Variants in IL1RAPL1 observed in about 807,000 individuals in gnomAD.
IL1RAPL1 encodes interleukin-1 receptor accessory protein-like 1.
In IL1RAPL1, 3 loss-of-function variants were observed where a neutral mutation model predicts 48.4. That is an observed-to-expected ratio of 0.06 (90% CI 0.03 to 0.16). The LOEUF (loss-of-function observed/expected upper bound fraction) is 0.16, where lower values mean the gene tolerates loss of function less well. Ranked by LOEUF, IL1RAPL1 falls within the 10% of genes least tolerant of loss-of-function variation. The pLI is 1.00. For missense variants in IL1RAPL1, 349 were observed against 530.6 expected (o/e 0.66, Z 3.36); for synonymous variants, 185 against 187.7 (o/e 0.99, Z 0.12).
At chrX:29,568,034 A>T (rs1350028406) in intron 5 of IL1RAPL1, among the ~76,000 whole-genome samples, 1 of 109,930 alleles carries the variant, frequency 9.1e-6, no homozygotes, top group East Asian at 2.9e-4. Flanking sequence ...GAAATATATT[A>T]TATTGTATGG....
In IL1RAPL1 at chrX:28,663,369, A is replaced by G. The variant is rs145571529; in HGVS notation, c.-25+75322A>G. ...AACCTGGGCTGCTGCAGATCCTCAC[A>G]TTCTTTCCGGTCTGTGGAGTAATTG... On this transcript the variant is annotated intron_variant, in intron 1 of 10. Coordinates refer to ENST00000378993, the MANE Select transcript of IL1RAPL1 (RefSeq NM_014271.4). Among the ~76,000 whole-genome samples the G allele has an allele frequency of 5.1e-3, 571 of 112,226 alleles. 4 individuals are homozygous for G. Among genetic ancestry groups the G allele is most frequent in the African/African-American group, 0.018 (545 of 30,864 alleles).
intron 6 of IL1RAPL1, among the ~76,000 whole-genome samples, chrX:29,818,780 C>T (rs1416684773): frequency 8.9e-6 from 1 of 112,081 alleles, no homozygotes; most frequent in African/African-American, 3.2e-5. Context: ...AAGTTAGTTA[C>T]ATAAGTTTAC....
chrX:29,341,997 C>T (rs936648532), intron 3 of IL1RAPL1, among the ~76,000 whole-genome samples: 8 of 109,663 alleles, frequency 7.3e-5, no homozygotes, highest in Non-Finnish European at 1.3e-4. Flanking sequence ...TTACTAGAGA[C>T]GGGGTTTCAC....
At chrX:29,694,889 G>A (rs1025646377) in intron 6 of IL1RAPL1, among the ~76,000 whole-genome samples, 10 of 111,282 alleles carry the variant, frequency 9.0e-5, no homozygotes, top group Admixed American at 1.9e-4. Context: ...TAGGGACACC[G>A]TAGTTGGGAT....
chrX:29,158,952 C>CT (rs1929627940), intron 2 of IL1RAPL1, among the ~76,000 whole-genome samples: 2 of 64,161 alleles, frequency 3.1e-5, no homozygotes, highest in Non-Finnish European at 5.5e-5. Context: ...CCCTCCCTCT[C>CT]CCTCTCTCTC....
At chrX:29,656,540 A>G (rs773187683) in intron 5 of IL1RAPL1, among the ~76,000 whole-genome samples, 6 of 111,257 alleles carry the variant, frequency 5.4e-5, no homozygotes, top group Non-Finnish European at 1.1e-4. Flanking sequence ...TTACTGAGTT[A>G]CTTCACTTGG....
At chrX:29,218,608 GATC>G (rs1409226559) in intron 2 of IL1RAPL1, among the ~76,000 whole-genome samples, 1 of 111,649 alleles carries the variant, frequency 9.0e-6, no homozygotes, top group East Asian at 2.8e-4. Context: ...TAAAGATAAA[GATC>G]ATTATTAAAA....
At chrX:29,709,523 GTTTTGT>G (rs1456141612) in intron 6 of IL1RAPL1, among the ~76,000 whole-genome samples, 1 of 110,443 alleles carries the variant, frequency 9.1e-6, no homozygotes, top group African/African-American at 3.3e-5. Context: ...TTTTTGTTTT[GTTTTGT>G]TTTGTTTTGT....
chrX:29,667,816 T>C (rs145147341), intron 5 of IL1RAPL1, among the ~76,000 whole-genome samples: 1,897 of 112,003 alleles, frequency 0.017, 18 homozygotes, highest in Non-Finnish European at 0.025. Context: ...TAACGGATAA[T>C]AGAAAGAGTT....
chrX:28,968,516 C>T (rs1924976679), intron 2 of IL1RAPL1, among the ~76,000 whole-genome samples: 1 of 111,865 alleles, frequency 8.9e-6, no homozygotes, highest in African/African-American at 3.2e-5. Flanking sequence ...TAAGATTGGC[C>T]TCACAAAACT....
intron 6 of IL1RAPL1, among the ~76,000 whole-genome samples, chrX:29,860,364 AT>A (rs747106843): frequency 1.8e-3 from 195 of 111,281 alleles, no homozygotes; most frequent in African/African-American, 6.2e-3. Context: ...TTAGAATTAA[AT>A]TTTTTTTTAT....
chrX:28,813,325 A>C (rs965076565), intron 2 of IL1RAPL1, among the ~76,000 whole-genome samples: 1 of 111,102 alleles, frequency 9.0e-6, no homozygotes, highest in Non-Finnish European at 1.9e-5. Flanking sequence ...TTTAATTGCA[A>C]ATACTTGGAG....
chrX:29,418,117 A>AT (rs1472989661), intron 5 of IL1RAPL1, among the ~76,000 whole-genome samples: 15 of 30,693 alleles, frequency 4.9e-4, no homozygotes, highest in African/African-American at 1.7e-3. Flanking sequence ...ATATATATAT[A>AT]TATATATATT....
rs894793370 is a variant in IL1RAPL1, at chrX:29,263,871, C to T, written c.83-19067C>T. On this transcript the variant is annotated intron_variant, in intron 2 of 10. Coordinates refer to ENST00000378993, the MANE Select transcript of IL1RAPL1 (RefSeq NM_014271.4). ...TTTCTCTCTCTCTCTCCCCCCCCCC[C>T]GCTCTCATAGAGCAATGTTAAACAA... Among the ~76,000 whole-genome samples the T allele has an allele frequency of 5.2e-3, 373 of 71,390 alleles. 2 individuals are homozygous for T. The highest frequency in any genetic ancestry group is 7.9e-3 in the South Asian group (8 of 1,019). 62.0% of individuals were successfully genotyped at this position (71,390 alleles called of 115,157 possible). A position where few individuals can be genotyped will look rare whatever the true frequency, so the allele number is the denominator to read the frequency against.
chrX:29,800,997 T>C (rs1929866584), intron 6 of IL1RAPL1, among the ~76,000 whole-genome samples: 1 of 14,336 alleles, frequency 7.0e-5, no homozygotes, highest in African/African-American at 2.0e-4. Flanking sequence ...CGAAACTCCG[T>C]CTCAAAAAAA....
intron 2 of IL1RAPL1, among the ~76,000 whole-genome samples, chrX:29,242,986 G>C (rs992764626): frequency 1.8e-5 from 2 of 111,807 alleles, no homozygotes; most frequent in Admixed American, 9.5e-5. Context: ...CCCTCTCCAG[G>C]CCCAGCTGGG....
chrX:29,479,127 C>T (rs1466408948), intron 5 of IL1RAPL1, among the ~76,000 whole-genome samples: 1 of 109,264 alleles, frequency 9.2e-6, no homozygotes, highest in Non-Finnish European at 1.9e-5. Flanking sequence ...TATTCAGCAT[C>T]AGCTGGGCTC....
chrX:28,970,581 A>G (rs1341791657), intron 2 of IL1RAPL1, among the ~76,000 whole-genome samples: 1 of 111,893 alleles, frequency 8.9e-6, no homozygotes, highest in Non-Finnish European at 1.9e-5. Flanking sequence ...AAATCTTTAC[A>G]TATAATTACG....
intron 2 of IL1RAPL1, among the ~76,000 whole-genome samples, chrX:28,816,279 T>C (rs1236892835): frequency 1.8e-5 from 2 of 109,701 alleles, no homozygotes; most frequent in Admixed American, 2.0e-4. Context: ...GGGGGCACGT[T>C]TGAAGGTTTG....
Sources: allele counts gnomAD v4.1 joint callset (sites outside exome capture counted in the v4.1 genomes callset), GRCh38; gene constraint gnomAD v4.1.1; transcripts MANE v1.5; gene names NCBI Gene and HGNC (gene_info 2026-07-23, HGNC 2026-07-21).